TNFSF13B: variants seen among roughly 807,000 people sequenced by gnomAD.
The protein encoded by TNFSF13B is tumor necrosis factor ligand superfamily member 13B.
Under a neutral mutation model 29.1 loss-of-function variants are expected in TNFSF13B, and 8 were observed. The observed-to-expected ratio is 0.27, with a 90% confidence interval of 0.16 to 0.50. The LOEUF is 0.50. Among genes scored for constraint, TNFSF13B ranks in the 20% least tolerant of loss-of-function variants. The pLI is 0.98. For missense variants in TNFSF13B, 248 were observed against 334.9 expected, an observed-to-expected ratio of 0.74 and a Z score of 2.03; for synonymous variants, 125 against 130.8, an observed-to-expected ratio of 0.96 and a Z score of 0.30.
intron 2 of TNFSF13B, among the ~76,000 whole-genome samples, chr13:108,280,716 CTTT>C (rs148214282): frequency 7.0e-6 from 1 of 143,034 alleles, no homozygotes. Flanking sequence ...CATGATAATG[CTTT>C]TTTTTTTTTT....
At chr13:108,287,895 A>C (rs1407639955) in intron 3 of TNFSF13B, among the ~76,000 whole-genome samples, 1 of 152,184 alleles carries the variant, frequency 6.6e-6, no homozygotes, top group South Asian at 2.1e-4. Context: ...TTTTAATGTC[A>C]TTTCCCAATA....
At chr13:108,277,755 G>A (rs1407414513) in intron 2 of TNFSF13B, among the ~76,000 whole-genome samples, 3 of 152,146 alleles carry the variant, frequency 2.0e-5, no homozygotes, top group Non-Finnish European at 4.4e-5. Flanking sequence ...TCCTGACATT[G>A]CCATGGCATC....
chr13:108,282,960 A>C (rs9520830), intron 2 of TNFSF13B, among the ~76,000 whole-genome samples: 8,704 of 152,318 alleles, frequency 0.057, 328 homozygotes, highest in Middle Eastern at 0.11. Context: ...ATAATCAATT[A>C]ATATGATAAT....
At position 108,275,550 on chromosome 13, in the gene TNFSF13B, A is replaced by C. The variant is rs147920258; in HGVS notation, c.424+5126A>C. Among the ~76,000 whole-genome samples, 78 of 152,242 alleles carry C rather than the reference A, an allele frequency of 5.1e-4. 1 individual carries two copies. Among genetic ancestry groups the C allele is most frequent in the African/African-American group, 1.8e-3 (75 of 41,562 alleles). Reference sequence around the variant, plus strand: ...AGTAAAAATATGGACAATTCAAAGTAATGTAAAGCAAGAATAGAAAAAATT... The same window carrying C: ...AGTAAAAATATGGACAATTCAAAGTCATGTAAAGCAAGAATAGAAAAAATT... On this transcript the variant is annotated intron_variant, in intron 2 of 5. Transcript: ENST00000375887.
chr13:108,282,024 A>G (rs1880972321), intron 2 of TNFSF13B, among the ~76,000 whole-genome samples: 1 of 152,218 alleles, frequency 6.6e-6, no homozygotes. Context: ...CCAAATGATA[A>G]GTTTTGCAGA....
chr13:108,269,755 C>A lies in TNFSF13B; in HGVS notation c.-141C>A. ...GCAGAAAGGCAGAAAGGAGAAAATT[C>A]AGGATAACTCTCCTGAGGGGTGAGC... On this transcript the variant is annotated 5_prime_UTR_variant, in exon 1 of 6. Transcript: ENST00000375887. 3.9e-6 allele frequency: 3 copies of A among 765,384 alleles called. No individual in the cohort carries two copies. Among genetic ancestry groups the A allele is most frequent in the Non-Finnish European group, 4.2e-6 (2 of 473,558 alleles). The allele number at this position is 765,384 out of a possible 1,614,324, so 47.4% of individuals were successfully genotyped here. A position where few individuals can be genotyped will look rare whatever the true frequency, so the allele number is the denominator to read the frequency against.
At position 108,269,859 on chromosome 13, in the gene TNFSF13B, T is replaced by C. The variant is rs897037528; in HGVS notation, c.-37T>C. The C allele has an allele frequency of 9.1e-6, 14 of 1,541,934 alleles. No individual in the cohort carries two copies. Among genetic ancestry groups the C allele is most frequent in the Non-Finnish European group, 1.1e-5 (13 of 1,142,900 alleles). On this transcript the variant is annotated 5_prime_UTR_variant, in exon 1 of 6. Transcript: ENST00000375887. ...ATGATCCATTCCCTGTGGTCACTTA[T>C]TCTAAAGGCCCCAACCTTCAAAGTT...
chr13:108,300,930 T>A (rs1474320397), intron 3 of TNFSF13B, among the ~76,000 whole-genome samples: 2 of 152,190 alleles, frequency 1.3e-5, no homozygotes, highest in African/African-American at 4.8e-5. Context: ...CTTTCCTCCC[T>A]CTGTCTATGG....
At chr13:108,294,314 G>T (rs963337885) in intron 3 of TNFSF13B, among the ~76,000 whole-genome samples, 8 of 151,786 alleles carry the variant, frequency 5.3e-5, no homozygotes, top group African/African-American at 1.9e-4. Flanking sequence ...CGAGTAGCTG[G>T]GATTACAGGC....
At chr13:108,272,656 C>T (rs915299425) in intron 2 of TNFSF13B, among the ~76,000 whole-genome samples, 4 of 151,634 alleles carry the variant, frequency 2.6e-5, no homozygotes, top group Non-Finnish European at 4.4e-5. Flanking sequence ...TATTAAGTTC[C>T]TCATAAGAGT....
chr13:108,270,571 A>G, intron 2 of TNFSF13B, 147 bp downstream of exon 2: 4 of 777,554 alleles, frequency 5.1e-6, no homozygotes, highest in Non-Finnish European at 8.2e-6. Flanking sequence ...GCTTTAGAGC[A>G]AAGCCCCAGC....
At position 108,292,860 on chromosome 13, in the gene TNFSF13B, C is replaced by T. The variant is rs184251469; in HGVS notation, c.481+6001C>T. Among the ~76,000 whole-genome samples the T allele has an allele frequency of 2.6e-5, 4 of 152,164 alleles. No individual in the cohort carries two copies. The East Asian group carries it at 7.7e-4, about 29-fold the overall frequency. ...ATATCTGATTTGCAAGTATTTTCTC[C>T]TCTTTTGTGGATTATCTTTTTACTT... On this transcript the variant is annotated intron_variant, in intron 3 of 5. Transcript: ENST00000375887.
chr13:108,276,412 C>T (rs1233082128), intron 2 of TNFSF13B, among the ~76,000 whole-genome samples: 2 of 152,120 alleles, frequency 1.3e-5, no homozygotes, highest in Admixed American at 1.3e-4. Context: ...ACCTTCCAAC[C>T]AAATCTTTGA....
At chr13:108,283,320 C>T (rs1881014850) in intron 2 of TNFSF13B, among the ~76,000 whole-genome samples, 1 of 152,218 alleles carries the variant, frequency 6.6e-6, no homozygotes, top group Non-Finnish European at 1.5e-5. Context: ...CACCATTGTG[C>T]AAACATCAGA....
chr13:108,278,675 C>CT (rs1555311813), intron 2 of TNFSF13B, among the ~76,000 whole-genome samples: 3 of 10,792 alleles, frequency 2.8e-4, no homozygotes, highest in East Asian at 2.8e-3. Context: ...CTCTCCTCCT[C>CT]TCCTCCTTTC....
At chr13:108,280,112 G>A (rs920012757) in intron 2 of TNFSF13B, among the ~76,000 whole-genome samples, 4 of 144,900 alleles carry the variant, frequency 2.8e-5, no homozygotes, top group Non-Finnish European at 4.5e-5. Context: ...AACACCTGAC[G>A]TAGATTAAGT....
In TNFSF13B at chr13:108,269,908, A is replaced by G. The variant is rs192226699; in HGVS notation, c.13A>G (p.Thr5Ala). The G allele has an allele frequency of 6.8e-6, 11 of 1,608,994 alleles. No individual in the cohort carries two copies. In the African/African-American group the frequency reaches 1.5e-4, roughly 21 times the overall value. The change falls in exon 1 of 6, where the codon ACA (threonine) becomes GCA (alanine). Residue 5 changes from threonine (T) to alanine (A), a missense_variant. Thr to Ala is a moderately conservative substitution (Grantham distance 58). Around this residue, in one of 2 missense-constraint regions of TNFSF13B, gnomAD observed 186 missense variants for 196.3 expected, o/e 0.95. Transcript: ENST00000375887. MDDSTEREQSRLTSC... is the reference protein window; with the variant it reads MDDSAEREQSRLTSC... ...TTCAAGTAGTGATATGGATGACTCCACAGAAAGGGAGCAGTCACGCCTTAC... is the reference window on the plus strand; with the variant it reads ...TTCAAGTAGTGATATGGATGACTCCGCAGAAAGGGAGCAGTCACGCCTTAC...
intron 3 of TNFSF13B, chr13:108,302,830 A>G (rs999011185): frequency 4.1e-6 from 4 of 986,558 alleles, no homozygotes; most frequent in Non-Finnish European, 3.6e-6. Flanking sequence ...CTTCGTCTGG[A>G]AACATTTTGC....
chr13:108,295,185 T>C (rs1225110203), intron 3 of TNFSF13B, among the ~76,000 whole-genome samples: 3 of 145,168 alleles, frequency 2.1e-5, no homozygotes, highest in Admixed American at 2.0e-4. Context: ...CGTCTTTTTC[T>C]GTTCTTTTTT....
Sources: gnomAD v4.1 joint callset for allele counts (sites outside exome capture counted in the v4.1 genomes callset) on GRCh38, gnomAD v4.1.1 for gene constraint, gnomAD v4.1.1 regional missense constraint, MANE v1.5 for transcripts, NCBI Gene and HGNC (gene_info 2026-07-23, HGNC 2026-07-21) for gene names.